The following PTPN13 variants were observed in gnomAD, a reference collection of about 807,000 sequenced individuals.
PTPN13 encodes tyrosine-protein phosphatase non-receptor type 13.
In PTPN13, 191 loss-of-function variants were observed where a neutral mutation model predicts 284.0. The ratio of observed to expected loss-of-function variants is 0.67; its 90% CI spans 0.60 to 0.76. The LOEUF (loss-of-function observed/expected upper bound fraction) is 0.76. PTPN13 is among the 30% of genes least tolerant of loss of function. The probability of loss-of-function intolerance (pLI) is 0.00; values close to 1 mark genes in which losing one functional copy is unlikely to be tolerated. For missense variants in PTPN13, 2,797 were observed against 2,939.9 expected (o/e 0.95, Z 1.12); for synonymous variants, 986 against 1,022.3 (o/e 0.96, Z 0.68).
At chr4:86,717,226 T>C (rs1039385454) in intron 9 of PTPN13, 109 bp downstream of exon 9, 1 of 720,608 alleles carries the variant, frequency 1.4e-6, no homozygotes, top group Non-Finnish European at 2.2e-6. Flanking sequence ...TCTTGCTCTG[T>C]TGCCTAAGCT....
At chr4:86,796,141 T>C (rs1338525171) in intron 40 of PTPN13, among the ~76,000 whole-genome samples, 4 of 152,184 alleles carry the variant, frequency 2.6e-5, no homozygotes, top group African/African-American at 9.6e-5. Flanking sequence ...AAAGTATGAG[T>C]TGACTAATCT....
intron 5 of PTPN13, 91 bp from the exon 6 acceptor site, chr4:86,693,496 C>T (rs1730248973): frequency 1.4e-6 from 1 of 694,420 alleles, no homozygotes; most frequent in South Asian, 2.7e-5. Context: ...CCTCCAAAAA[C>T]TGTGTAACTA....
At chr4:86,625,656 G>C (rs889213855) in intron 1 of PTPN13, among the ~76,000 whole-genome samples, 2 of 152,004 alleles carry the variant, frequency 1.3e-5, no homozygotes, top group Non-Finnish European at 2.9e-5. Flanking sequence ...AAGTCTAAAG[G>C]CTTGTTGGTA....
chr4:86,744,322 C>T (rs928336821), intron 16 of PTPN13, among the ~76,000 whole-genome samples: 3 of 151,874 alleles, frequency 2.0e-5, no homozygotes, highest in Non-Finnish European at 2.9e-5. Flanking sequence ...TTCTTGTATC[C>T]AATAGAGTAG....
chr4:86,718,861 C>T (rs1733327366), intron 9 of PTPN13, among the ~76,000 whole-genome samples: 1 of 152,154 alleles, frequency 6.6e-6, no homozygotes, highest in Admixed American at 6.5e-5. Flanking sequence ...TTACCTAAAG[C>T]AATCTATATT....
Position 86,803,744 on chromosome 4 carries a change from C to G in PTPN13, c.6541C>G (p.Leu2181Val), listed in dbSNP as rs757562929. 8 of 1,613,766 alleles carry G rather than the reference C, an allele frequency of 5.0e-6. No individual in the cohort carries two copies. In the East Asian group the frequency reaches 1.3e-4, roughly 27 times the overall value. The change falls in exon 43 of 48, where the codon CTC becomes GTC. Residue 2181 changes from leucine to valine, a missense_variant. Transcript: ENST00000411767. ...SFLTNDELAV[L>V]PVVKVLPSGK... The stretch of plus-strand genomic sequence containing the variant: ...TCTGACAAACGATGAGCTCGCTGTA[C>G]TCCCTGTCGTCAAAGTGCTTCCCTC...
chr4:86,769,621 A>G (rs753806647), intron 28 of PTPN13, 148 bp from the exon 29 acceptor site: 5 of 564,020 alleles, frequency 8.9e-6, no homozygotes, highest in Non-Finnish European at 1.2e-5. Context: ...GCTTCAGTAT[A>G]CCATTGGAGT....
At chr4:86,783,868 A>C (rs1392783797) in intron 37 of PTPN13, among the ~76,000 whole-genome samples, 1 of 151,910 alleles carries the variant, frequency 6.6e-6, no homozygotes, top group Non-Finnish European at 1.5e-5. Context: ...CAAAATTTAC[A>C]TTCTATTCAA....
chr4:86,756,263 C>T (rs1737956311), intron 20 of PTPN13, among the ~76,000 whole-genome samples: 1 of 151,626 alleles, frequency 6.6e-6, no homozygotes, highest in African/African-American at 2.4e-5. Context: ...GTGACCTCAC[C>T]CCCTTATTTG....
At chr4:86,777,215 G>A (rs1227575928) in intron 35 of PTPN13, among the ~76,000 whole-genome samples, 3 of 152,146 alleles carry the variant, frequency 2.0e-5, no homozygotes, top group African/African-American at 7.2e-5. Flanking sequence ...GGGCCTTACT[G>A]TGGTAAAATC....
At chr4:86,672,045 G>A (rs1413682720) in intron 2 of PTPN13, among the ~76,000 whole-genome samples, 2 of 152,144 alleles carry the variant, frequency 1.3e-5, no homozygotes, top group African/African-American at 4.8e-5. Context: ...ATATCTATAT[G>A]TCACGTTGAT....
At chr4:86,666,098 T>C (rs1392493595) in intron 2 of PTPN13, among the ~76,000 whole-genome samples, 1 of 152,152 alleles carries the variant, frequency 6.6e-6, no homozygotes, top group African/African-American at 2.4e-5. Context: ...GCTAAATAAC[T>C]CACTGAAGAT....
At position 86,671,363 on chromosome 4, in the gene PTPN13, T is replaced by C. The variant is rs114354823; in HGVS notation, c.116-1002T>C. Among the ~76,000 whole-genome samples the C allele has an allele frequency of 6.0e-4, 91 of 152,306 alleles. 1 individual carries two copies. The highest frequency in any genetic ancestry group is 2.1e-3 in the African/African-American group (86 of 41,572). ...TGATATCAGTATAATTTATTCAGAT[T>C]GAATAATGGAATTTCAGTCATAGGC... On this transcript the variant is annotated intron_variant, in intron 2 of 47. Coordinates refer to ENST00000411767, the MANE Select transcript of PTPN13 (RefSeq NM_080683.3).
chr4:86,794,915 G>A (rs563063806), intron 40 of PTPN13, among the ~76,000 whole-genome samples: 2 of 152,186 alleles, frequency 1.3e-5, no homozygotes, highest in South Asian at 2.1e-4. Flanking sequence ...GATTAAAGAC[G>A]TAAATGTAAG....
At chr4:86,596,013 T>C (rs1202673138) in intron 1 of PTPN13, among the ~76,000 whole-genome samples, 4 of 152,188 alleles carry the variant, frequency 2.6e-5, no homozygotes, top group Non-Finnish European at 5.9e-5. Flanking sequence ...ACTAGGAGCA[T>C]TTGTTAGTAA....
chr4:86,629,401 T>C (rs1054776727), intron 1 of PTPN13, among the ~76,000 whole-genome samples: 1 of 150,202 alleles, frequency 6.7e-6, no homozygotes, highest in East Asian at 2.0e-4. Flanking sequence ...CTATGAGATA[T>C]CATCTCACAC....
chr4:86,670,675 T>C (rs1420091218), intron 2 of PTPN13, among the ~76,000 whole-genome samples: 2 of 152,180 alleles, frequency 1.3e-5, no homozygotes, highest in East Asian at 3.9e-4. Context: ...TAGTTGATAA[T>C]TTGACAGAAA....
chr4:86,795,893 T>C (rs1341826621), intron 40 of PTPN13, among the ~76,000 whole-genome samples: 1 of 152,066 alleles, frequency 6.6e-6, no homozygotes, highest in African/African-American at 2.4e-5. Context: ...CTTTTGGGGT[T>C]TGGGGGCCTG....
Position 86,734,987 on chromosome 4 carries a change from A to G in PTPN13, c.2151+112A>G. 3 of 1,257,500 alleles carry G rather than the reference A, an allele frequency of 2.4e-6. No homozygotes were observed. In the East Asian group the frequency reaches 7.2e-5, roughly 30 times the overall value. The allele number at this position is 1,257,500 out of a possible 1,614,324, so 77.9% of individuals were successfully genotyped here. On this transcript the variant is annotated intron_variant, in intron 14 of 47. Coordinates refer to ENST00000411767, the MANE Select transcript of PTPN13 (RefSeq NM_080683.3). ...TGATGTTTAGATCTGAAGATTTTTG[A>G]GGCTTCTTTGGTTCCTCAGAATGAC... is the stretch of plus-strand genomic sequence containing the variant.
Sources: allele counts gnomAD v4.1 joint callset (sites outside exome capture counted in the v4.1 genomes callset), GRCh38; gene constraint gnomAD v4.1.1; transcripts MANE v1.5; gene names NCBI Gene and HGNC (gene_info 2026-07-23, HGNC 2026-07-21).